The following USP3 variants were observed in gnomAD, a reference collection of about 807,000 sequenced individuals.
USP3 encodes ubiquitin carboxyl-terminal hydrolase 3.
USP3 carries 20 observed loss-of-function variants against 72.3 expected under a neutral mutation model. The observed-to-expected ratio is 0.28, with a 90% CI of 0.19 to 0.40. The LOEUF is 0.40. USP3 is among the 10% of genes least tolerant of loss of function. The pLI, the probability that USP3 is intolerant of heterozygous loss-of-function variation, is 1.00. For missense variants in USP3, 479 were observed against 633.9 expected, an observed-to-expected ratio of 0.76 and a Z score of 2.62; for synonymous variants, 222 against 225.3, an observed-to-expected ratio of 0.99 and a Z score of 0.13.
chr15:63,540,095 G>C (rs768514241), intron 3 of USP3, among the ~76,000 whole-genome samples: 1 of 152,214 alleles, frequency 6.6e-6, no homozygotes, highest in Non-Finnish European at 1.5e-5. Context: ...GGTTTAACAT[G>C]TTTGATTATA....
At position 63,570,513 on chromosome 15, in the gene USP3, A is replaced by G. The variant is rs368366161; in HGVS notation, c.842A>G (p.Asn281Ser). 6.2e-6 allele frequency: 10 copies of G among 1,614,108 alleles called. No homozygotes were observed. The highest frequency in any genetic ancestry group is 8.5e-6 in the Non-Finnish European group (10 of 1,180,040). ...CACTTGGAACTTCAGGGCGGTTTCA[A>G]CGGTGTTTCCCGCTCAGCAATTCTG... is the stretch of plus-strand genomic sequence containing the variant. ...HLHLELQGGF[N>S]GVSRSAILQE... Residue 281 changes from asparagine (N) to serine (S), a missense_variant, in exon 9 of 15, where the codon AAC (asparagine) becomes AGC (serine). By Grantham distance (46) the Asn-to-Ser change is conservative. Coordinates refer to ENST00000380324, the MANE Select transcript of USP3 (RefSeq NM_006537.4). This position sits in a 1 kb window ranked among gnomAD's most constrained non-coding sequence, Gnocchi z 4.4.
chr15:63,526,559 T>C (rs932471693), intron 1 of USP3, among the ~76,000 whole-genome samples: 4 of 152,222 alleles, frequency 2.6e-5, no homozygotes, highest in African/African-American at 9.7e-5. Flanking sequence ...TTTAGAGTGT[T>C]GCACTTTAAA....
intron 9 of USP3, among the ~76,000 whole-genome samples, chr15:63,571,537 AT>A (rs2066779129): frequency 1.3e-5 from 2 of 152,332 alleles, no homozygotes; most frequent in Admixed American, 1.3e-4. Flanking sequence ...ACCTGGGAGA[AT>A]TGTTCTTCCT....
intron 1 of USP3, among the ~76,000 whole-genome samples, chr15:63,517,315 C>T (rs2065863545): frequency 6.6e-6 from 1 of 151,998 alleles, no homozygotes; most frequent in Non-Finnish European, 1.5e-5. Flanking sequence ...TTTCACATAT[C>T]CTCTTGCTAT....
chr15:63,581,677 G>A (rs2066966366), intron 11 of USP3, among the ~76,000 whole-genome samples: 2 of 149,782 alleles, frequency 1.3e-5, no homozygotes, highest in South Asian at 4.2e-4. Context: ...TTACAGGTGT[G>A]AGCCACTGTG....
At chr15:63,555,333 A>C (rs964411385) in intron 4 of USP3, among the ~76,000 whole-genome samples, 1 of 152,216 alleles carries the variant, frequency 6.6e-6, no homozygotes, top group African/African-American at 2.4e-5. Context: ...ACTATTCCGC[A>C]TGCCCCGTGG....
chr15:63,556,943 C>A lies in USP3; in HGVS notation c.450+195C>A, dbSNP rs1389332207. The A allele has an allele frequency of 1.2e-5, 6 of 488,296 alleles. No individual in the cohort carries two copies. In the East Asian group the frequency reaches 2.1e-4, roughly 17 times the overall value. The allele number at this position is 488,296 out of a possible 1,614,324, so 30.2% of individuals were successfully genotyped here. A position where few individuals can be genotyped will look rare whatever the true frequency, so the allele number is the denominator to read the frequency against. ...CCCCAGTGAGTCCATCTGTCAGCAC[C>A]TTCTTCCCATCAGCGTTACTGCTGT... On this transcript the variant is annotated intron_variant, in intron 5 of 14. Coordinates refer to ENST00000380324, the MANE Select transcript of USP3 (RefSeq NM_006537.4).
chr15:63,544,778 G>A lies in USP3; in HGVS notation c.284+7622G>A, dbSNP rs2066296096. 1 of 700,426 alleles carries A rather than the reference G, an allele frequency of 1.4e-6. No homozygotes were observed. Among genetic ancestry groups the A allele is most frequent in the African/African-American group, 1.7e-5 (1 of 57,182 alleles). 43.4% of individuals were successfully genotyped at this position (700,426 alleles called of 1,614,324 possible). A position where few individuals can be genotyped will look rare whatever the true frequency, so the allele number is the denominator to read the frequency against. On this transcript the variant is annotated intron_variant, in intron 3 of 14. Transcript: ENST00000380324. This position sits in a 1 kb window ranked among gnomAD's most constrained non-coding sequence, Gnocchi z 4.2. ...ATGAAAGCTTAACTCTAAAACTAGA[G>A]CAGGTAACACTGAAGTGAAAGGGAA... is the stretch of plus-strand genomic sequence containing the variant.
At chr15:63,532,814 TA>T in intron 2 of USP3, 107 bp downstream of exon 2, 1 of 1,176,184 alleles carries the variant, frequency 8.5e-7, no homozygotes, top group Non-Finnish European at 1.2e-6. Context: ...TTGTTAATCA[TA>T]ATGCATAATT....
Position 63,553,689 on chromosome 15 carries a change from C to T in USP3, c.285-26C>T. On this transcript the variant is annotated intron_variant, in intron 3 of 14. Coordinates refer to ENST00000380324, the MANE Select transcript of USP3 (RefSeq NM_006537.4). The surrounding 1 kb of genome is among the most constrained non-coding windows in gnomAD (Gnocchi z 4.2). ...CTGTGGTTTCCTCAAGCTCTTTACACACATTGATTAATATTTTCCTTGCAG... is the reference window on the plus strand; with the variant it reads ...CTGTGGTTTCCTCAAGCTCTTTACATACATTGATTAATATTTTCCTTGCAG... 3 of 1,604,478 alleles carry T rather than the reference C, an allele frequency of 1.9e-6. No individual in the cohort carries two copies. The highest frequency in any genetic ancestry group is 2.6e-6 in the Non-Finnish European group (3 of 1,174,798).
Position 63,574,240 on chromosome 15 carries a change from A to G in USP3, c.1016-83A>G. ...AAAAAATAAGTGTAAAGAGAAATCT[A>G]GAAATACATCAGTTTGTGAAATTAT... On this transcript the variant is annotated intron_variant, in intron 10 of 14. Coordinates refer to ENST00000380324, the MANE Select transcript of USP3 (RefSeq NM_006537.4). This position sits in a 1 kb window ranked among gnomAD's most constrained non-coding sequence, Gnocchi z 4.6. 1 of 1,423,728 alleles carries G rather than the reference A, an allele frequency of 7.0e-7. No homozygotes were observed. The highest frequency in any genetic ancestry group is 2.5e-5 in the East Asian group (1 of 40,556). 88.2% of individuals were successfully genotyped at this position (1,423,728 alleles called of 1,614,324 possible). A position where few individuals can be genotyped will look rare whatever the true frequency, so the allele number is the denominator to read the frequency against.
chr15:63,536,364 A>T (rs8025240), intron 2 of USP3, among the ~76,000 whole-genome samples: 7 of 151,676 alleles, frequency 4.6e-5, no homozygotes, highest in Middle Eastern at 3.4e-3. Context: ...ACTTGAGCAG[A>T]GTCTATGGCC....
chr15:63,563,293 T>C (rs2066636535), intron 8 of USP3, among the ~76,000 whole-genome samples: 1 of 152,240 alleles, frequency 6.6e-6, no homozygotes, highest in Non-Finnish European at 1.5e-5. Context: ...GAAAACATAC[T>C]GGACAAAATT....
rs751273552 is a variant in USP3 at position 63,570,623 on chromosome 15, T to G, written c.908+44T>G. ...CTGTTTTTTAGGAGGGCCTCAGACA[T>G]TTCTTTTGGTGTTAATTATGTGTTA... On this transcript the variant is annotated intron_variant, in intron 9 of 14. Transcript: ENST00000380324. This position sits in a 1 kb window ranked among gnomAD's most constrained non-coding sequence, Gnocchi z 4.4. 9 of 1,566,672 alleles carry G rather than the reference T, an allele frequency of 5.7e-6. No homozygotes were observed. Among genetic ancestry groups the G allele is most frequent in the Non-Finnish European group, 7.8e-6 (9 of 1,157,636 alleles).
In USP3 at chr15:63,548,792, C is replaced by A. The variant is rs115504031; in HGVS notation, c.285-4923C>A. On this transcript the variant is annotated intron_variant, in intron 3 of 14. Coordinates refer to ENST00000380324, the MANE Select transcript of USP3 (RefSeq NM_006537.4). ...CACTGCAACCTCTGTCTCCCGGGTT[C>A]AGGCAATTCTCATGCCTCAACCTCC... Among the ~76,000 whole-genome samples, 8 of 152,190 alleles carry A rather than the reference C, an allele frequency of 5.3e-5. No homozygotes were observed. In the South Asian group the frequency reaches 1.7e-3, roughly 32 times the overall value.
intron 1 of USP3, among the ~76,000 whole-genome samples, chr15:63,513,010 C>T (rs1265464532): frequency 6.6e-6 from 1 of 152,188 alleles, no homozygotes; most frequent in African/African-American, 2.4e-5. Flanking sequence ...CAGGTTATAT[C>T]AAAGATATTG....
chr15:63,573,390 T>G (rs2066810716), intron 9 of USP3, among the ~76,000 whole-genome samples: 1 of 152,210 alleles, frequency 6.6e-6, no homozygotes, highest in African/African-American at 2.4e-5. Flanking sequence ...CAGGTGGTTT[T>G]GAAAATCGTT....
chr15:63,564,302 C>CT (rs1418997713), intron 8 of USP3, among the ~76,000 whole-genome samples: 2 of 152,084 alleles, frequency 1.3e-5, no homozygotes, highest in Non-Finnish European at 2.9e-5. Context: ...GGAGACAAAA[C>CT]TGAGACAGAG....
At chr15:63,532,581 A>C (rs1843899976) in intron 1 of USP3, 66 bp from the exon 2 acceptor site, 1 of 1,582,226 alleles carries the variant, frequency 6.3e-7, no homozygotes, top group African/African-American at 1.3e-5. Context: ...TAATCACAGG[A>C]AAATGGGGAG....
Sources: gnomAD v4.1 joint callset for allele counts (sites outside exome capture counted in the v4.1 genomes callset) on GRCh38, gnomAD v4.1.1 for gene constraint, Gnocchi (gnomAD v3.1) non-coding constraint, MANE v1.5 for transcripts, NCBI Gene and HGNC (gene_info 2026-07-23, HGNC 2026-07-21) for gene names.